SND1: variants seen among roughly 807,000 people sequenced by gnomAD.
The protein encoded by SND1 is staphylococcal nuclease and tudor domain containing 1, also known as staphylococcal nuclease domain-containing protein 1.
Under a neutral mutation model 121.7 loss-of-function variants are expected in SND1, and 38 were observed. The observed-to-expected ratio is 0.31, with a 90% CI of 0.24 to 0.41. The LOEUF is 0.41. Ranked by LOEUF, SND1 falls within the 10% of genes least tolerant of loss-of-function variation. The pLI is 1.00. For missense variants in SND1, 868 were observed against 1,184.6 expected, an observed-to-expected ratio of 0.73 and a Z score of 3.92; for synonymous variants, 401 against 447.4, an observed-to-expected ratio of 0.90 and a Z score of 1.31.
At chr7:127,877,432 T>A (rs1799712625) in intron 12 of SND1, among the ~76,000 whole-genome samples, 1 of 152,078 alleles carries the variant, frequency 6.6e-6, no homozygotes, top group Non-Finnish European at 1.5e-5. Context: ...TGTTCTTTCC[T>A]GAGATCTCAG....
intron 22 of SND1, among the ~76,000 whole-genome samples, chr7:128,090,445 G>C (rs971604412): frequency 6.6e-6 from 1 of 152,176 alleles, no homozygotes; most frequent in African/African-American, 2.4e-5. Flanking sequence ...TTGCAGACCA[G>C]CCCTGCGTCC....
At chr7:127,750,169 CA>C (rs1797060456) in intron 10 of SND1, among the ~76,000 whole-genome samples, 1 of 152,168 alleles carries the variant, frequency 6.6e-6, no homozygotes, top group Non-Finnish European at 1.5e-5. Context: ...TGTACGGCAA[CA>C]GCAATTTTGA....
chr7:127,919,481 G>A (rs889184709), intron 14 of SND1, among the ~76,000 whole-genome samples: 7 of 152,114 alleles, frequency 4.6e-5, no homozygotes, highest in African/African-American at 1.7e-4. Flanking sequence ...TGCCTATAGA[G>A]ACTTTGGAAG....
chr7:127,798,798 T>C (rs1411147772), intron 10 of SND1, among the ~76,000 whole-genome samples: 1 of 152,148 alleles, frequency 6.6e-6, no homozygotes, highest in Non-Finnish European at 1.5e-5. Context: ...TAATCCTAGC[T>C]CTTTGAAAGG....
intron 10 of SND1, among the ~76,000 whole-genome samples, chr7:127,733,659 C>T (rs755769754): frequency 6.6e-6 from 1 of 152,214 alleles, no homozygotes; most frequent in Non-Finnish European, 1.5e-5. Flanking sequence ...TTGCTACAAA[C>T]GAGCTCCAAG....
rs115580132 is a variant in SND1, at chr7:127,774,466, C to T, written c.1153-33018C>T. ...TGTACAGTAATGTCTTAGGCCTTCA[C>T]GTTCACTCACCGCTGTCTCACTAAC... On this transcript the variant is annotated intron_variant, in intron 10 of 23. Transcript: ENST00000354725. 5.7e-3 allele frequency among the ~76,000 whole-genome samples: 862 copies of T among 152,300 alleles called. 8 individuals carry two copies. Among genetic ancestry groups the T allele is most frequent in the African/African-American group, 0.02 (816 of 41,552 alleles).
chr7:127,863,888 G>A (rs779382721), intron 12 of SND1, among the ~76,000 whole-genome samples: 13 of 152,162 alleles, frequency 8.5e-5, no homozygotes, highest in Non-Finnish European at 1.3e-4. Flanking sequence ...AAAAACTGGA[G>A]AAGAGTTTGC....
chr7:128,013,951 G>A (rs1803170405), intron 16 of SND1, among the ~76,000 whole-genome samples: 1 of 152,190 alleles, frequency 6.6e-6, no homozygotes, highest in African/African-American at 2.4e-5. Context: ...TGGAATAAAG[G>A]GTAATCTCTC....
At chr7:127,943,923 C>T (rs1801270398) in intron 15 of SND1, among the ~76,000 whole-genome samples, 1 of 152,220 alleles carries the variant, frequency 6.6e-6, no homozygotes. Context: ...TGCTGCCAGT[C>T]ACTCCTCATC....
intron 15 of SND1, among the ~76,000 whole-genome samples, chr7:127,973,145 G>A (rs1379207588): frequency 6.6e-6 from 1 of 152,162 alleles, no homozygotes; most frequent in Non-Finnish European, 1.5e-5. Flanking sequence ...AACCTGGTTG[G>A]TGCTTTGATA....
intron 13 of SND1, among the ~76,000 whole-genome samples, chr7:127,893,437 C>G (rs1156612388): frequency 1.3e-5 from 2 of 152,128 alleles, no homozygotes; most frequent in Non-Finnish European, 2.9e-5. Context: ...GAATCTGGCT[C>G]TTTGCAGGAA....
chr7:128,017,443 ACCTCTCAGGCTC>A (rs1803249631), intron 16 of SND1, among the ~76,000 whole-genome samples: 1 of 152,150 alleles, frequency 6.6e-6, no homozygotes, highest in Non-Finnish European at 1.5e-5. Flanking sequence ...GTACAGGGCC[ACCTCTCAGGCTC>A]CATGTGTCGC....
intron 9 of SND1, among the ~76,000 whole-genome samples, chr7:127,718,269 G>A (rs1298247671): frequency 6.6e-6 from 1 of 152,104 alleles, no homozygotes; most frequent in Non-Finnish European, 1.5e-5. Flanking sequence ...AAAAGCACCA[G>A]AAGAAATATC....
At chr7:127,700,342 G>A (rs1452279434) in intron 4 of SND1, among the ~76,000 whole-genome samples, 2 of 152,172 alleles carry the variant, frequency 1.3e-5, no homozygotes, top group African/African-American at 4.8e-5. Context: ...TTTTGGGGTA[G>A]GGAAGAGAGG....
intron 10 of SND1, among the ~76,000 whole-genome samples, chr7:127,790,925 C>T (rs959616007): frequency 1.6e-4 from 25 of 152,108 alleles, no homozygotes; most frequent in Admixed American, 5.9e-4. Context: ...GGAGCTTGTT[C>T]AGCAAGCAGT....
intron 10 of SND1, among the ~76,000 whole-genome samples, chr7:127,789,539 C>T (rs182571283): frequency 1.6e-4 from 25 of 152,238 alleles, no homozygotes; most frequent in Admixed American, 2.6e-4. Context: ...CATATTTAAT[C>T]GTAAGCTAAA....
chr7:127,877,114 C>T (rs1799705269), intron 12 of SND1, among the ~76,000 whole-genome samples: 3 of 152,036 alleles, frequency 2.0e-5, no homozygotes, highest in Admixed American at 6.6e-5. Flanking sequence ...AGTCTAATAC[C>T]AGTTTTACTT....
chr7:128,040,437 T>TAAAAAA lies in SND1; in HGVS notation c.1780-34041_1780-34036dup, dbSNP rs67595921. 1.6e-3 allele frequency among the ~76,000 whole-genome samples: 53 copies of TAAAAAA among 32,882 alleles called. 1 individual carries two copies. Among genetic ancestry groups the TAAAAAA allele is most frequent in the African/African-American group, 2.1e-3 (17 of 8,278 alleles). 21.6% of individuals were successfully genotyped at this position (32,882 alleles called of 152,430 possible). The stretch of plus-strand genomic sequence containing the variant: ...ATCAAACAGAGCAAGGTCCTATCTT[T>TAAAAAA]AAAAAAAAAAAAAAAAAAAAAAAAA... On this transcript the variant is annotated intron_variant, in intron 16 of 23. Coordinates refer to ENST00000354725, the MANE Select transcript of SND1 (RefSeq NM_014390.4).
At chr7:127,775,544 T>A (rs1016377410) in intron 10 of SND1, among the ~76,000 whole-genome samples, 1 of 152,160 alleles carries the variant, frequency 6.6e-6, no homozygotes, top group African/African-American at 2.4e-5. Flanking sequence ...GATGGGCCAA[T>A]TTCCAAACAT....
Sources: gnomAD v4.1 joint callset for allele counts (sites outside exome capture counted in the v4.1 genomes callset) on GRCh38, gnomAD v4.1.1 for gene constraint, MANE v1.5 for transcripts, NCBI Gene and HGNC (gene_info 2026-07-23, HGNC 2026-07-21) for gene names.